ZNF317: variants seen among roughly 807,000 people sequenced by gnomAD.
The protein encoded by ZNF317 is zinc finger protein 317.
ZNF317 carries 17 observed loss-of-function variants against 23.4 expected under a neutral mutation model. The ratio of observed to expected loss-of-function variants is 0.73; its 90% CI spans 0.50 to 1.09. The LOEUF (loss-of-function observed/expected upper bound fraction) is 1.09. ZNF317 is among the 50% of genes least tolerant of loss of function. The pLI, the probability that ZNF317 is intolerant of heterozygous loss-of-function variation, is 0.00. For missense variants in ZNF317, 679 were observed against 796.7 expected (o/e 0.85, Z 1.78); for synonymous variants, 317 against 314.9 (o/e 1.01, Z -0.07).
chr19:9,156,522 A>G lies in ZNF317; in HGVS notation c.26-90A>G. The G allele has an allele frequency of 4.1e-6, 6 of 1,477,528 alleles. No homozygotes were observed. In the South Asian group the frequency reaches 7.8e-5, roughly 19 times the overall value. The allele number at this position is 1,477,528 out of a possible 1,614,324, so 91.5% of individuals were successfully genotyped here. A position where few individuals can be genotyped will look rare whatever the true frequency, so the allele number is the denominator to read the frequency against. Reference sequence around the variant, plus strand: ...GAGGATTGAGGATGTGAACACTCAGAATCAGTGTGGAGCAGTTTCCTGGTT... The same window carrying G: ...GAGGATTGAGGATGTGAACACTCAGGATCAGTGTGGAGCAGTTTCCTGGTT... On this transcript the variant is annotated intron_variant, in intron 2 of 6. Coordinates refer to ENST00000247956, the MANE Select transcript of ZNF317 (RefSeq NM_020933.5).
chr19:9,154,938 T>C (rs1248715114), intron 1 of ZNF317, among the ~76,000 whole-genome samples: 3 of 152,246 alleles, frequency 2.0e-5, no homozygotes, highest in Non-Finnish European at 4.4e-5. Context: ...CTAATGACTA[T>C]GATATTCAAC....
intron 1 of ZNF317, among the ~76,000 whole-genome samples, chr19:9,150,138 C>T (rs1397420446): frequency 1.3e-5 from 2 of 152,102 alleles, no homozygotes; most frequent in African/African-American, 2.4e-5. Flanking sequence ...ATCCTGTTGG[C>T]TGTTGCAGTA....
rs751632837 is a variant in ZNF317 at position 9,160,719 on chromosome 19, G to A, written c.1074G>A (p.Gly358=). 3 of 1,614,170 alleles carry A rather than the reference G, an allele frequency of 1.9e-6. No individual in the cohort carries two copies. Among genetic ancestry groups the A allele is most frequent in the South Asian group, 2.2e-5 (2 of 91,084 alleles). The stretch of plus-strand genomic sequence containing the variant: ...AAGAGCACGTGAGGAATCACACGGG[G>A]GAGAAGCCCTACGCGTGCACGCAGT... ...HLKEHVRNHT[G]EKPYACTQCG... is the part of the protein sequence containing the mutation. The change falls in exon 7 of 7, where the codon GGG becomes GGA. Residue 358 remains glycine, a synonymous_variant. Coordinates refer to ENST00000247956, the MANE Select transcript of ZNF317 (RefSeq NM_020933.5). The surrounding 1 kb of genome is among the most constrained non-coding windows in gnomAD (Gnocchi z 6.8).
chr19:9,162,383 T>G lies in ZNF317; in HGVS notation c.*950T>G, dbSNP rs989989128. On this transcript the variant is annotated 3_prime_UTR_variant, in exon 7 of 7. Transcript: ENST00000247956. The stretch of plus-strand genomic sequence containing the variant: ...CATTTTTATGAATCTTGTGAGCACT[T>G]ACGCTAGGAGAAATTTCTTTTACAA... 4 of 152,088 alleles carry G rather than the reference T, an allele frequency of 2.6e-5. No homozygotes were observed. Among genetic ancestry groups the G allele is most frequent in the Admixed American group, 2.0e-4 (3 of 15,270 alleles). The allele number at this position is 152,088 out of a possible 1,614,324, so 9.4% of individuals were successfully genotyped here. A position where few individuals can be genotyped will look rare whatever the true frequency, so the allele number is the denominator to read the frequency against.
chr19:9,157,878 C>T, intron 4 of ZNF317, 102 bp from the exon 5 acceptor site: 2 of 1,421,250 alleles, frequency 1.4e-6, no homozygotes, highest in Non-Finnish European at 9.2e-7. Flanking sequence ...CAGACTTGTC[C>T]ACCCTCAGAA....
chr19:9,143,274 C>T (rs1023286378), intron 1 of ZNF317, among the ~76,000 whole-genome samples: 19 of 151,864 alleles, frequency 1.3e-4, no homozygotes, highest in African/African-American at 3.9e-4. Flanking sequence ...AAATAAATTC[C>T]ATCAGAATGT....
In ZNF317 at chr19:9,161,583, G is replaced by A. The variant is rs1378007907; in HGVS notation, c.*150G>A. Reference sequence around the variant, plus strand: ...CAGTTCCTGTAAAAACTGGGAAGACGAGGCGTTCTCATCCCATAGGAGGTT... The same window carrying A: ...CAGTTCCTGTAAAAACTGGGAAGACAAGGCGTTCTCATCCCATAGGAGGTT... On this transcript the variant is annotated 3_prime_UTR_variant, in exon 7 of 7. Transcript: ENST00000247956. This position sits in a 1 kb window ranked among gnomAD's most constrained non-coding sequence, Gnocchi z 4.0. The A allele has an allele frequency of 5.0e-6, 6 of 1,208,562 alleles. No homozygotes were observed. The East Asian group carries it at 1.2e-4, about 24-fold the overall frequency. The allele number at this position is 1,208,562 out of a possible 1,614,324, so 74.9% of individuals were successfully genotyped here.
At position 9,157,294 on chromosome 19, in the gene ZNF317, T is replaced by C; in HGVS notation, c.189T>C (p.Ala63=). 3 of 1,614,160 alleles carry C rather than the reference T, an allele frequency of 1.9e-6. No individual in the cohort carries two copies. Among genetic ancestry groups the C allele is most frequent in the Non-Finnish European group, 2.5e-6 (3 of 1,180,010 alleles). Residue 63 remains alanine (A), a synonymous_variant, in exon 4 of 7, where the codon GCT becomes GCC. Transcript: ENST00000247956. ...SQESVTFQDV[A]VDFTEKEWPL... ...AATCGGTGACTTTCCAAGATGTCGC[T>C]GTGGACTTTACCGAGAAGGAGTGGC...
chr19:9,158,527 A>G (rs1467487561), intron 5 of ZNF317, among the ~76,000 whole-genome samples: 1 of 151,812 alleles, frequency 6.6e-6, no homozygotes, highest in African/African-American at 2.4e-5. Flanking sequence ...ATTAGTAGAC[A>G]TGGGTTTCAC....
intron 4 of ZNF317, 84 bp downstream of exon 4, chr19:9,157,478 C>T (rs1296556752): frequency 1.3e-6 from 2 of 1,561,744 alleles, no homozygotes; most frequent in African/African-American, 1.4e-5. Context: ...AGGAACTATG[C>T]AGCGGTTCAG....
In ZNF317 at chr19:9,157,700, TTTA is replaced by T. The variant is rs796207668; in HGVS notation, c.290-277_290-275del. On this transcript the variant is annotated intron_variant, in intron 4 of 6. Transcript: ENST00000247956. ...CTATTTCTTTTTTTTTTTTTTTTTTTTTATTTTTGGTGATGAAGGGTTCTCACT... is the reference window on the plus strand; with the variant it reads ...CTATTTCTTTTTTTTTTTTTTTTTTTTTTTTGGTGATGAAGGGTTCTCACT... 5.6e-5 allele frequency: 31 copies of T among 557,622 alleles called. No individual in the cohort carries two copies. In the African/African-American group the frequency reaches 8.5e-4, roughly 15 times the overall value. 34.5% of individuals were successfully genotyped at this position (557,622 alleles called of 1,614,324 possible).
chr19:9,146,727 G>C (rs2050686676), intron 1 of ZNF317, among the ~76,000 whole-genome samples: 2 of 152,130 alleles, frequency 1.3e-5, no homozygotes, highest in Admixed American at 6.5e-5. Context: ...ACCATGCTGG[G>C]CCTATATTTA....
chr19:9,145,770 T>A (rs555065212), intron 1 of ZNF317, among the ~76,000 whole-genome samples: 1 of 152,382 alleles, frequency 6.6e-6, no homozygotes, highest in South Asian at 2.1e-4. Flanking sequence ...GCTGTATTTA[T>A]GTTCCTCAAC....
intron 1 of ZNF317, among the ~76,000 whole-genome samples, chr19:9,152,781 C>T (rs73922952): frequency 6.6e-6 from 1 of 152,094 alleles, no homozygotes; most frequent in Admixed American, 6.5e-5. Context: ...CCAAAACCAT[C>T]CCCCCTCACC....
intron 1 of ZNF317, among the ~76,000 whole-genome samples, chr19:9,147,721 T>C (rs2050698576): frequency 6.6e-6 from 1 of 152,186 alleles, no homozygotes; most frequent in South Asian, 2.1e-4. Flanking sequence ...CTAGACACCC[T>C]GCTCCACATC....
rs1275720701 is a variant in ZNF317 at position 9,162,513 on chromosome 19, CGA to C, written c.*1083_*1084del. 6.6e-6 allele frequency: 1 copy of C among 151,776 alleles called. No individual in the cohort carries two copies. Among genetic ancestry groups the C allele is most frequent in the African/African-American group, 2.4e-5 (1 of 41,294 alleles). 9.4% of individuals were successfully genotyped at this position (151,776 alleles called of 1,614,324 possible). A position where few individuals can be genotyped will look rare whatever the true frequency, so the allele number is the denominator to read the frequency against. On this transcript the variant is annotated 3_prime_UTR_variant, in exon 7 of 7. Coordinates refer to ENST00000247956, the MANE Select transcript of ZNF317 (RefSeq NM_020933.5). ...ATATTCTCACGGAGAGAAGCCCCAG[CGA>C]GATTTTCCGGTGAATACGGGATTGC...
At chr19:9,152,796 C>T (rs890408980) in intron 1 of ZNF317, among the ~76,000 whole-genome samples, 5 of 152,188 alleles carry the variant, frequency 3.3e-5, no homozygotes, top group African/African-American at 1.2e-4. Context: ...CTCACCTCAC[C>T]ATCCATGGAA....
At chr19:9,146,973 G>A (rs2050689070) in intron 1 of ZNF317, among the ~76,000 whole-genome samples, 1 of 152,168 alleles carries the variant, frequency 6.6e-6, no homozygotes, top group Non-Finnish European at 1.5e-5. Flanking sequence ...ACTTGATGGA[G>A]GAGGCAGATC....
rs373278761 is a variant in ZNF317 at position 9,160,251 on chromosome 19, G to A, written c.606G>A (p.Ala202=). 1.7e-4 allele frequency: 277 copies of A among 1,614,030 alleles called. No homozygotes were observed. The highest frequency in any genetic ancestry group is 3.8e-4 in the Admixed American group (23 of 59,984). Residue 202 remains alanine, a synonymous_variant, in exon 7 of 7, where the codon GCG becomes GCA. Coordinates refer to ENST00000247956, the MANE Select transcript of ZNF317 (RefSeq NM_020933.5). The surrounding 1 kb of genome is among the most constrained non-coding windows in gnomAD (Gnocchi z 6.8). ...RPYHRRDYGV[A]FKGRPHLTQH... ...ATCACCGCCGCGACTATGGGGTAGCGTTCAAGGGCAGGCCGCACCTCACTC... is the reference window on the plus strand; with the variant it reads ...ATCACCGCCGCGACTATGGGGTAGCATTCAAGGGCAGGCCGCACCTCACTC...
Sources: gnomAD v4.1 joint callset for allele counts (sites outside exome capture counted in the v4.1 genomes callset) on GRCh38, gnomAD v4.1.1 for gene constraint, Gnocchi (gnomAD v3.1) non-coding constraint, MANE v1.5 for transcripts, NCBI Gene and HGNC (gene_info 2026-07-23, HGNC 2026-07-21) for gene names.